The following PAFAH1B2 variants were observed in gnomAD, a reference collection of about 807,000 sequenced individuals.
PAFAH1B2 encodes the protein platelet-activating factor acetylhydrolase IB subunit alpha2.
A neutral mutation model predicts 28.0 loss-of-function variants in PAFAH1B2; 8 were observed. The ratio of observed to expected loss-of-function variants is 0.29; its 90% CI spans 0.17 to 0.52. The LOEUF is 0.52. Ranked by LOEUF, PAFAH1B2 falls within the 20% of genes least tolerant of loss-of-function variation. PAFAH1B2 has a pLI of 0.97. For synonymous variants in PAFAH1B2, 104 were observed against 103.2 expected (o/e 1.01, Z -0.05); for missense variants, 190 against 282.6 (o/e 0.67, Z 2.35).
chr11:117,165,779 TAAAG>T (rs1251105734), intron 5 of PAFAH1B2, among the ~76,000 whole-genome samples: 1 of 151,826 alleles, frequency 6.6e-6, no homozygotes, highest in Non-Finnish European at 1.5e-5. Context: ...GGAGGCTGCA[TAAAG>T]TTTGAGCCTG....
chr11:117,150,465 T>G (rs1049829573), intron 1 of PAFAH1B2, among the ~76,000 whole-genome samples: 9 of 152,176 alleles, frequency 5.9e-5, no homozygotes, highest in Non-Finnish European at 1.5e-5. Context: ...TGTTGTTTTT[T>G]TTTTTTGAAA....
Position 117,167,969 on chromosome 11 carries a change from T to C in PAFAH1B2, c.*270T>C, listed in dbSNP as rs190577543. On this transcript the variant is annotated 3_prime_UTR_variant, in exon 6 of 6. Coordinates refer to ENST00000527958, the MANE Select transcript of PAFAH1B2 (RefSeq NM_002572.4). ...TTTAGTTGTATGTGTAACACATTCA[T>C]TGAATTATTATCACTGTTTTCTTGG... 3,559 of 1,102,198 alleles carry C rather than the reference T, an allele frequency of 3.2e-3. 5 individuals are homozygous for C. Among genetic ancestry groups the C allele is most frequent in the Admixed American group, 3.6e-3 (72 of 19,736 alleles). 68.3% of individuals were successfully genotyped at this position (1,102,198 alleles called of 1,614,324 possible).
Position 117,168,019 on chromosome 11 carries a change from ACAATAT to A in PAFAH1B2, c.*321_*326del, listed in dbSNP as rs768425853. 8.4e-6 allele frequency: 9 copies of A among 1,073,564 alleles called. No individual in the cohort carries two copies. Among genetic ancestry groups the A allele is most frequent in the Non-Finnish European group, 9.0e-6 (8 of 885,242 alleles). The allele number at this position is 1,073,564 out of a possible 1,614,324, so 66.5% of individuals were successfully genotyped here. A position where few individuals can be genotyped will look rare whatever the true frequency, so the allele number is the denominator to read the frequency against. The stretch of plus-strand genomic sequence containing the variant: ...GGACAACATCAAGCCTAAATACTGA[ACAATAT>A]GAAGATTCTTTTCTTGGCCTTTCTG... On this transcript the variant is annotated 3_prime_UTR_variant, in exon 6 of 6. Transcript: ENST00000527958.
At chr11:117,144,794 C>G (rs1244710956) in intron 1 of PAFAH1B2, among the ~76,000 whole-genome samples, 2 of 150,380 alleles carry the variant, frequency 1.3e-5, no homozygotes, top group Admixed American at 6.6e-5. Context: ...GTAGGCCTTG[C>G]GCACCCCAGC....
chr11:117,161,636 G>A (rs1956373650), intron 4 of PAFAH1B2, among the ~76,000 whole-genome samples: 1 of 151,682 alleles, frequency 6.6e-6, no homozygotes, highest in Non-Finnish European at 1.5e-5. Flanking sequence ...AGCCTCCCGA[G>A]TAGCTGGGAT....
intron 4 of PAFAH1B2, among the ~76,000 whole-genome samples, chr11:117,162,322 A>G (rs1192999387): frequency 6.6e-6 from 1 of 152,030 alleles, no homozygotes; most frequent in Admixed American, 6.6e-5. Flanking sequence ...CTTTTTGTAG[A>G]CAGGGTCTTG....
At chr11:117,149,151 A>G (rs139146464) in intron 1 of PAFAH1B2, among the ~76,000 whole-genome samples, 8,099 of 145,096 alleles carry the variant, frequency 0.056, 256 homozygotes, top group Middle Eastern at 0.12. Flanking sequence ...CCAAAGTGTT[A>G]GGATTACAGG....
In PAFAH1B2 at chr11:117,156,917, C is replaced by T. The variant is rs571141103; in HGVS notation, c.82-3017C>T. On this transcript the variant is annotated intron_variant, in intron 2 of 5. Transcript: ENST00000527958. Reference sequence around the variant, plus strand: ...CCTGAGGCTGAGGCAGGGAGGATCACGTAAGCCCTCCCCAGCCTGAGCCTG... The same window carrying T: ...CCTGAGGCTGAGGCAGGGAGGATCATGTAAGCCCTCCCCAGCCTGAGCCTG... Among the ~76,000 whole-genome samples the T allele has an allele frequency of 4.0e-5, 6 of 151,860 alleles. 1 individual carries two copies. Among genetic ancestry groups the T allele is most frequent in the African/African-American group, 1.4e-4 (6 of 41,406 alleles).
intron 4 of PAFAH1B2, among the ~76,000 whole-genome samples, chr11:117,161,970 A>G (rs1956382651): frequency 6.6e-6 from 1 of 152,192 alleles, no homozygotes; most frequent in Non-Finnish European, 1.5e-5. Context: ...CAGGTCAGTA[A>G]TCGAGGCCTG....
rs1184643908 is a variant in PAFAH1B2 at position 117,168,615 on chromosome 11, G to A, written c.*916G>A. 5 of 1,063,212 alleles carry A rather than the reference G, an allele frequency of 4.7e-6. No homozygotes were observed. Among genetic ancestry groups the A allele is most frequent in the Non-Finnish European group, 5.7e-6 (5 of 878,294 alleles). The allele number at this position is 1,063,212 out of a possible 1,614,324, so 65.9% of individuals were successfully genotyped here. ...TGGTGTTCTGTGCTATAGATTCTGT[G>A]TATTGCTGTTCATATTCGGAGTTCT... On this transcript the variant is annotated 3_prime_UTR_variant, in exon 6 of 6. Transcript: ENST00000527958.
downstream of PAFAH1B2, among the ~76,000 whole-genome samples, chr11:117,178,083 G>T (rs2030083973): frequency 1.3e-5 from 2 of 152,140 alleles, no homozygotes; most frequent in Admixed American, 1.3e-4. Context: ...TGGATCAAAG[G>T]GTATAAAGCT....
In PAFAH1B2 at chr11:117,169,482, G is replaced by GT. The variant is rs45628435; in HGVS notation, c.*1784dup. 0.58 allele frequency: 610,554 copies of GT among 1,054,254 alleles called. 184,734 individuals are homozygous for GT. The highest frequency in any genetic ancestry group is 0.62 in the Non-Finnish European group (545,200 of 872,336). The allele number at this position is 1,054,254 out of a possible 1,614,324, so 65.3% of individuals were successfully genotyped here. ...TTGAAAGGCAAATTTCAGTGCTTTT[G>GT]TATGTTGGAGGAGGGCTTACTGATG... is the stretch of plus-strand genomic sequence containing the variant. On this transcript the variant is annotated 3_prime_UTR_variant, in exon 6 of 6. Transcript: ENST00000527958.
intron 1 of PAFAH1B2, among the ~76,000 whole-genome samples, chr11:117,145,909 C>A (rs566656288): frequency 1.3e-5 from 2 of 152,106 alleles, no homozygotes; most frequent in African/African-American, 4.8e-5. Context: ...CTGGTATAAG[C>A]ACTTGGAAAT....
intron 1 of PAFAH1B2, among the ~76,000 whole-genome samples, chr11:117,147,413 G>T (rs1488489042): frequency 6.6e-6 from 1 of 152,154 alleles, no homozygotes; most frequent in East Asian, 1.9e-4. Flanking sequence ...ACCCAGGCTG[G>T]TCTCAAACTC....
chr11:117,150,462 T>G (rs192823433), intron 1 of PAFAH1B2, among the ~76,000 whole-genome samples: 103 of 152,184 alleles, frequency 6.8e-4, no homozygotes, highest in African/African-American at 1.9e-3. Flanking sequence ...TGATGTTGTT[T>G]TTTTTTTTTG....
intron 5 of PAFAH1B2, 140 bp downstream of exon 5, chr11:117,164,032 T>C (rs1447174751): frequency 2.6e-6 from 2 of 784,032 alleles, no homozygotes; most frequent in African/African-American, 1.7e-5. Flanking sequence ...TCTTCTTTAA[T>C]GTATTTTACT....
At chr11:117,175,300 C>G (rs889177903), downstream of PAFAH1B2, 26 of 1,071,912 alleles carry the variant, frequency 2.4e-5, no homozygotes, top group African/African-American at 3.8e-4. Context: ...ACACCACTGC[C>G]TTTTTTTGCT....
chr11:117,149,721 C>T (rs1396226551), intron 1 of PAFAH1B2, among the ~76,000 whole-genome samples: 4 of 151,794 alleles, frequency 2.6e-5, no homozygotes, highest in Non-Finnish European at 4.4e-5. Flanking sequence ...TGTGAGCCAC[C>T]GTGCCCGGCC....
downstream of PAFAH1B2, among the ~76,000 whole-genome samples, chr11:117,174,308 C>T (rs571471177): frequency 1.3e-5 from 2 of 149,620 alleles, no homozygotes; most frequent in Admixed American, 6.7e-5. Context: ...CTCAGCCTCC[C>T]GAGTAGCTGG....
Sources: gnomAD v4.1 joint callset for allele counts (sites outside exome capture counted in the v4.1 genomes callset) on GRCh38, gnomAD v4.1.1 for gene constraint, MANE v1.5 for transcripts, NCBI Gene and HGNC (gene_info 2026-07-23, HGNC 2026-07-21) for gene names.